CDKAL1: variants seen among roughly 807,000 people sequenced by gnomAD.
CDKAL1 encodes CDKAL1 threonylcarbamoyladenosine tRNA methylthiotransferase.
In CDKAL1, 32 loss-of-function variants were observed where a neutral mutation model predicts 68.2. That is an observed-to-expected ratio of 0.47 (90% CI 0.35 to 0.63). CDKAL1 has a LOEUF of 0.63. CDKAL1 is among the 30% of genes least tolerant of loss of function. The pLI, the probability that CDKAL1 is intolerant of heterozygous loss-of-function variation, is 0.00. For synonymous variants in CDKAL1, 234 were observed against 244.3 expected (o/e 0.96, Z 0.39); for missense variants, 606 against 696.7 (o/e 0.87, Z 1.47).
At chr6:20,911,830 G>A (rs975178549) in intron 9 of CDKAL1, among the ~76,000 whole-genome samples, 1 of 152,182 alleles carries the variant, frequency 6.6e-6, no homozygotes, top group African/African-American at 2.4e-5. Flanking sequence ...TTCTATTCCA[G>A]CATTTTAACA....
At chr6:20,807,842 G>A (rs1302865750) in intron 8 of CDKAL1, among the ~76,000 whole-genome samples, 1 of 152,148 alleles carries the variant, frequency 6.6e-6, no homozygotes, top group Non-Finnish European at 1.5e-5. Flanking sequence ...TCAAACTACA[G>A]CAACAGTTTT....
chr6:21,155,803 A>G (rs1398360259), intron 13 of CDKAL1, among the ~76,000 whole-genome samples: 4 of 152,210 alleles, frequency 2.6e-5, no homozygotes, highest in Non-Finnish European at 5.9e-5. Flanking sequence ...GTGTGTGTCC[A>G]GGCCTTCCAA....
chr6:20,887,805 A>G (rs1426144582), intron 9 of CDKAL1, among the ~76,000 whole-genome samples: 2 of 150,356 alleles, frequency 1.3e-5, no homozygotes, highest in Non-Finnish European at 3.0e-5. Context: ...GTTTTAAGAG[A>G]CAGGGTCTGT....
intron 3 of CDKAL1, among the ~76,000 whole-genome samples, chr6:20,547,587 A>T (rs1763657115): frequency 1.3e-5 from 2 of 152,154 alleles, no homozygotes; most frequent in Admixed American, 1.3e-4. Context: ...TTATCTAGTC[A>T]ACTGCTGAAC....
intron 12 of CDKAL1, among the ~76,000 whole-genome samples, chr6:21,087,852 G>A (rs1341318567): frequency 1.3e-5 from 2 of 151,850 alleles, no homozygotes; most frequent in Non-Finnish European, 2.9e-5. Flanking sequence ...AAAAATCTCC[G>A]ACCGGATGAT....
In CDKAL1 at chr6:20,586,978, G is replaced by GTTTTTTTTT. The variant is rs750210435; in HGVS notation, c.286+38290_286+38298dup. On this transcript the variant is annotated intron_variant, in intron 4 of 15. Coordinates refer to ENST00000274695, the MANE Select transcript of CDKAL1 (RefSeq NM_017774.3). ...TGCCTGGAATGTTCTTCCTCCAGGT[G>GTTTTTTTTT]TTTTTTTTTTTTTTTTTTTTTTTTT... 4.7e-4 allele frequency among the ~76,000 whole-genome samples: 21 copies of GTTTTTTTTT among 44,452 alleles called. 1 individual carries two copies. The highest frequency in any genetic ancestry group is 1.3e-3 in the African/African-American group (14 of 10,482). The allele number at this position is 44,452 out of a possible 152,430, so 29.2% of individuals were successfully genotyped here.
chr6:20,983,563 G>A (rs201355), intron 10 of CDKAL1, among the ~76,000 whole-genome samples: 137,102 of 152,112 alleles, frequency 0.9, 61,848 homozygotes, highest in Middle Eastern at 0.94. Context: ...TCTACTAAAA[G>A]TACAAAAATT....
intron 5 of CDKAL1, among the ~76,000 whole-genome samples, chr6:20,726,550 A>G (rs1772668133): frequency 6.6e-6 from 1 of 152,164 alleles, no homozygotes; most frequent in African/African-American, 2.4e-5. Context: ...AATACCATTG[A>G]ACCTTAAATT....
intron 9 of CDKAL1, among the ~76,000 whole-genome samples, chr6:20,898,349 T>C (rs889690007): frequency 6.7e-6 from 1 of 150,288 alleles, no homozygotes; most frequent in African/African-American, 2.5e-5. Flanking sequence ...TCCTATGACA[T>C]TGGGAATTCT....
chr6:20,660,005 G>C (rs929045532), intron 5 of CDKAL1, among the ~76,000 whole-genome samples: 2 of 151,988 alleles, frequency 1.3e-5, no homozygotes, highest in African/African-American at 4.8e-5. Context: ...TCCTTGGACT[G>C]TCTTCTCTCT....
intron 12 of CDKAL1, among the ~76,000 whole-genome samples, chr6:21,075,312 AT>A (rs1327476497): frequency 6.8e-6 from 1 of 146,352 alleles, no homozygotes; most frequent in Non-Finnish European, 1.5e-5. Context: ...AAATATTAGC[AT>A]TAATATAAAT....
At chr6:20,727,831 T>C (rs1772723371) in intron 5 of CDKAL1, among the ~76,000 whole-genome samples, 3 of 152,206 alleles carry the variant, frequency 2.0e-5, no homozygotes, top group Admixed American at 2.0e-4. Context: ...CTGATAATAC[T>C]ACACCAGACT....
chr6:20,965,427 G>A (rs1765259562), intron 10 of CDKAL1, among the ~76,000 whole-genome samples: 1 of 146,018 alleles, frequency 6.8e-6, no homozygotes, highest in Non-Finnish European at 1.5e-5. Flanking sequence ...AGAGGGGAGG[G>A]GAGGGGAGGG....
chr6:20,576,653 C>T (rs62400063), intron 4 of CDKAL1, among the ~76,000 whole-genome samples: 7,986 of 152,232 alleles, frequency 0.052, 224 homozygotes, highest in Middle Eastern at 0.078. Context: ...CAATGCTTAG[C>T]GCCTTCTGTT....
chr6:20,984,659 A>T (rs1303941143), intron 10 of CDKAL1, among the ~76,000 whole-genome samples: 3 of 149,962 alleles, frequency 2.0e-5, no homozygotes, highest in Non-Finnish European at 2.9e-5. Context: ...AAGGGGACGG[A>T]TTGGGAAGGT....
At chr6:20,731,866 G>T (rs889379595) in intron 5 of CDKAL1, among the ~76,000 whole-genome samples, 1 of 152,056 alleles carries the variant, frequency 6.6e-6, no homozygotes, top group Non-Finnish European at 1.5e-5. Context: ...CATTCAGTTT[G>T]TCATGGAGCC....
chr6:20,982,008 T>C (rs1581958892), intron 10 of CDKAL1, among the ~76,000 whole-genome samples: 2 of 152,196 alleles, frequency 1.3e-5, no homozygotes, highest in Admixed American at 6.5e-5. Flanking sequence ...GAGTACTTGA[T>C]GTGGAAATCA....
intron 4 of CDKAL1, among the ~76,000 whole-genome samples, chr6:20,617,222 TG>T (rs1766958092): frequency 6.6e-6 from 1 of 152,124 alleles, no homozygotes; most frequent in African/African-American, 2.4e-5. Flanking sequence ...AAGGGAGATC[TG>T]CCTCTGTATG....
intron 6 of CDKAL1, among the ~76,000 whole-genome samples, chr6:20,743,155 G>A (rs1773529609): frequency 6.6e-6 from 1 of 152,132 alleles, no homozygotes. Context: ...ACTATTTTTA[G>A]CAGGAAGTTT....
Sources: allele counts gnomAD v4.1 joint callset (sites outside exome capture counted in the v4.1 genomes callset), GRCh38; gene constraint gnomAD v4.1.1; transcripts MANE v1.5; gene names NCBI Gene and HGNC (gene_info 2026-07-23, HGNC 2026-07-21).